The following GSAP variants were observed in gnomAD, a reference collection of about 807,000 sequenced individuals.
GSAP encodes the protein gamma-secretase-activating protein.
Under a neutral mutation model 131.7 loss-of-function variants are expected in GSAP, and 118 were observed. The observed-to-expected ratio is 0.90, with a 90% CI of 0.77 to 1.04. The LOEUF is 1.04. GSAP is among the 50% of genes least tolerant of loss of function. GSAP has a pLI of 0.00. For synonymous variants in GSAP, 381 were observed against 363.4 expected (o/e 1.05, Z -0.55); for missense variants, 1,019 against 1,013.2 (o/e 1.01, Z -0.08).
At chr7:77,410,885 T>A (rs1803140196) in intron 1 of GSAP, among the ~76,000 whole-genome samples, 1 of 152,168 alleles carries the variant, frequency 6.6e-6, no homozygotes, top group African/African-American at 2.4e-5. Context: ...ATTATACCTA[T>A]AACATTCCTA....
chr7:77,350,375 T>C (rs1186417996), intron 18 of GSAP, among the ~76,000 whole-genome samples: 3 of 149,712 alleles, frequency 2.0e-5, no homozygotes, highest in Non-Finnish European at 4.4e-5. Flanking sequence ...TATACATATG[T>C]AACTAACCTG....
chr7:77,403,327 T>C (rs75474150), intron 3 of GSAP, among the ~76,000 whole-genome samples: 2,100 of 152,208 alleles, frequency 0.014, 43 homozygotes, highest in African/African-American at 0.048. Flanking sequence ...AATGAATTAA[T>C]GAATAAAGGT....
chr7:77,311,378 C>G lies in GSAP; in HGVS notation c.2545G>C (p.Ala849Pro), dbSNP rs755135652. The G allele has an allele frequency of 6.2e-7, 1 of 1,607,168 alleles. No individual in the cohort carries two copies. The highest frequency in any genetic ancestry group is 8.5e-7 in the Non-Finnish European group (1 of 1,173,812). Residue 849 changes from alanine to proline, a missense_variant, in exon 31 of 31, where the codon GCG (alanine) becomes CCG (proline). By Grantham distance (27) the Ala-to-Pro change is conservative. Coordinates refer to ENST00000257626, the MANE Select transcript of GSAP (RefSeq NM_017439.4). ...FVEEAALKHT[A>P]MLLGL ...CTTTTTCATAAGCCTAAAAGCATCG[C>G]GGTGTGTTTCAGAGCTGCTTCCTCT...
intron 1 of GSAP, among the ~76,000 whole-genome samples, chr7:77,409,660 T>C (rs1222957692): frequency 1.3e-5 from 2 of 152,230 alleles, no homozygotes; most frequent in African/African-American, 4.8e-5. Flanking sequence ...AATGTGTCAA[T>C]ATTTTGAGAA....
chr7:77,369,861 C>T (rs181083831), intron 12 of GSAP, among the ~76,000 whole-genome samples: 1 of 151,894 alleles, frequency 6.6e-6, no homozygotes, highest in East Asian at 1.9e-4. Context: ...GCTTCTCTGG[C>T]TTGTTTCATC....
chr7:77,411,058 GA>G (rs1041503024), intron 1 of GSAP, among the ~76,000 whole-genome samples: 6 of 106,678 alleles, frequency 5.6e-5, no homozygotes, highest in African/African-American at 7.8e-5. Flanking sequence ...AGAATTAGCG[GA>G]AAAAAAAGTA....
At chr7:77,339,917 T>C (rs1790641664) in intron 19 of GSAP, among the ~76,000 whole-genome samples, 2 of 152,178 alleles carry the variant, frequency 1.3e-5, no homozygotes, top group African/African-American at 2.4e-5. Flanking sequence ...ATAAATCCCT[T>C]GTAAATGTAA....
At chr7:77,412,918 C>T (rs780774058) in intron 1 of GSAP, among the ~76,000 whole-genome samples, 15 of 152,104 alleles carry the variant, frequency 9.9e-5, no homozygotes, top group Non-Finnish European at 2.2e-4. Flanking sequence ...CCAGGAAAGA[C>T]GAAGATGTGC....
intron 24 of GSAP, 28 bp downstream of exon 24, chr7:77,323,619 T>C (rs1406265810): frequency 1.8e-6 from 2 of 1,126,066 alleles, no homozygotes; most frequent in Non-Finnish European, 1.3e-6. Context: ...TGAAGGGGCA[T>C]ATGAGGAGAA....
At chr7:77,416,179 G>GCCCCC in intron 1 of GSAP, 34 bp downstream of exon 1, 32 of 435,008 alleles carry the variant, frequency 7.4e-5, no homozygotes, top group Non-Finnish European at 1.1e-4. Flanking sequence ...CCCACTCCCC[G>GCCCCC]CCCCCACCCC....
In GSAP at chr7:77,416,226, T is replaced by A. The variant is rs1284231169; in HGVS notation, c.96A>T (p.Gly32=). The part of the protein sequence containing the change: ...QRAVSEASGA[G]SGGADVLEND... The stretch of plus-strand genomic sequence containing the variant: ...CGCCTCCCGCACCTGCGCCGCCGCT[T>A]CCGGCCCCGCTGGCCTCCGACACTG... Residue 32 remains glycine, a synonymous_variant, in exon 1 of 31, where the codon GGA becomes GGT. Transcript: ENST00000257626. 8 of 1,459,130 alleles carry A rather than the reference T, an allele frequency of 5.5e-6. No homozygotes were observed. Among genetic ancestry groups the A allele is most frequent in the Non-Finnish European group, 7.2e-6 (8 of 1,104,094 alleles). 90.4% of individuals were successfully genotyped at this position (1,459,130 alleles called of 1,614,324 possible). A position where few individuals can be genotyped will look rare whatever the true frequency, so the allele number is the denominator to read the frequency against.
At chr7:77,334,580 T>TAAAAAAAAAAAAAAAAAA (rs57442782) in intron 19 of GSAP, among the ~76,000 whole-genome samples, 1 of 81,924 alleles carries the variant, frequency 1.2e-5, no homozygotes, top group African/African-American at 5.0e-5. Flanking sequence ...ACTTAAAATT[T>TAAAAAAAAAAAAAAAAAA]AAAAAAAAAA....
In GSAP at chr7:77,326,201, G is replaced by A. The variant is rs370684251; in HGVS notation, c.1827+11C>T. ...GTTTGCCAGCCCCTAAAGAACCCAC[G>A]TACCACTTACCAGCCCCATGAGCAG... is the stretch of plus-strand genomic sequence containing the variant. On this transcript the variant is annotated intron_variant, in intron 23 of 30. Coordinates refer to ENST00000257626, the MANE Select transcript of GSAP (RefSeq NM_017439.4). The A allele has an allele frequency of 3.9e-5, 62 of 1,602,168 alleles. No individual in the cohort carries two copies. Among genetic ancestry groups the A allele is most frequent in the Non-Finnish European group, 4.9e-5 (57 of 1,170,800 alleles).
chr7:77,345,231 G>C (rs59540995), intron 19 of GSAP, among the ~76,000 whole-genome samples: 34,766 of 151,910 alleles, frequency 0.23, 4,917 homozygotes, highest in East Asian at 0.43. Flanking sequence ...TACGACAAAT[G>C]CTCCTTCTAA....
chr7:77,349,478 G>T, intron 18 of GSAP, 74 bp from the exon 19 acceptor site: 1 of 1,292,872 alleles, frequency 7.7e-7, no homozygotes, highest in Non-Finnish European at 1.1e-6. Context: ...TTCAGGGAGT[G>T]TTTTCTGCAC....
intron 12 of GSAP, among the ~76,000 whole-genome samples, chr7:77,370,465 C>A (rs551503392): frequency 6.6e-6 from 1 of 151,990 alleles, no homozygotes; most frequent in Non-Finnish European, 1.5e-5. Flanking sequence ...GACTCCATCT[C>A]ATTCATAAAT....
chr7:77,346,679 C>T (rs1192695991), intron 19 of GSAP, among the ~76,000 whole-genome samples: 1 of 151,538 alleles, frequency 6.6e-6, no homozygotes, highest in East Asian at 1.9e-4. Context: ...CATTGCACTC[C>T]AGCCTGGGCA....
Position 77,312,165 on chromosome 7 carries a change from G to A in GSAP, c.2309C>T (p.Pro770Leu). ...CCGCGAAATGATGTTAGAACTCATA[G>A]GATGATCCCAAAGTCTACAAATCTT... Reference protein sequence around the residue: ...GQKICRLWDHPMSSNIISRNH... With the variant: ...GQKICRLWDHLMSSNIISRNH... The change falls in exon 29 of 31, where the codon CCT becomes CTT. Residue 770 changes from proline (P) to leucine (L), a missense_variant. Coordinates refer to ENST00000257626, the MANE Select transcript of GSAP (RefSeq NM_017439.4). 1.2e-6 allele frequency: 2 copies of A among 1,603,778 alleles called. No individual in the cohort carries two copies. Among genetic ancestry groups the A allele is most frequent in the Non-Finnish European group, 1.7e-6 (2 of 1,176,280 alleles).
intron 16 of GSAP, among the ~76,000 whole-genome samples, chr7:77,353,869 T>A (rs2150861076): frequency 6.6e-6 from 1 of 152,338 alleles, no homozygotes; most frequent in African/African-American, 2.4e-5. Context: ...ATAAATCTCC[T>A]TGGCTGGAAA....
Sources: gnomAD v4.1 joint callset for allele counts (sites outside exome capture counted in the v4.1 genomes callset) on GRCh38, gnomAD v4.1.1 for gene constraint, MANE v1.5 for transcripts, NCBI Gene and HGNC (gene_info 2026-07-23, HGNC 2026-07-21) for gene names.